The following SEL1L variants were observed in gnomAD, a reference collection of about 807,000 sequenced individuals.
SEL1L encodes the protein protein sel-1 homolog 1.
In SEL1L, 52 loss-of-function variants were observed where a neutral mutation model predicts 109.8. The ratio of observed to expected loss-of-function variants is 0.47; its 90% CI spans 0.38 to 0.60. The LOEUF is 0.60. SEL1L is among the 20% of genes least tolerant of loss of function. The pLI is 0.00. For missense variants in SEL1L, 749 were observed against 962.2 expected (o/e 0.78, Z 2.93); for synonymous variants, 373 against 339.6 (o/e 1.10, Z -1.08).
At position 81,506,100 on chromosome 14, in the gene SEL1L, G is replaced by C. The variant is rs1351587545; in HGVS notation, c.482C>G (p.Ala161Gly). The C allele has an allele frequency of 1.2e-6, 2 of 1,613,584 alleles. No individual in the cohort carries two copies. The highest frequency in any genetic ancestry group is 1.6e-4 in the Middle Eastern group (1 of 6,080). ...LWCATTYDYKADEKWGFCETE... is the reference protein window; with the variant it reads ...LWCATTYDYKGDEKWGFCETE... Reference sequence around the variant, plus strand: ...TTCACAAAAGCCCCACTTTTCATCTGCTTTGTAGTCATAGGTTGTAGCACA... The same window carrying C: ...TTCACAAAAGCCCCACTTTTCATCTCCTTTGTAGTCATAGGTTGTAGCACA... The change falls in exon 4 of 21, where the codon GCA (alanine) becomes GGA (glycine). Residue 161 changes from alanine to glycine, a missense_variant. By Grantham distance (60) the Ala-to-Gly change is moderately conservative. Transcript: ENST00000336735.
At chr14:81,510,500 CTCTCTCTCTCTCTCTATATA>C (rs1286260164) in intron 3 of SEL1L, among the ~76,000 whole-genome samples, 1 of 126,224 alleles carries the variant, frequency 7.9e-6, no homozygotes, top group East Asian at 2.4e-4. Context: ...CTCTCTCTCT[CTCTCTCTCTCTCTCTATATA>C]TATATATATA....
intron 3 of SEL1L, among the ~76,000 whole-genome samples, chr14:81,511,397 C>G (rs1884471397): frequency 3.3e-5 from 5 of 152,302 alleles, no homozygotes; most frequent in Admixed American, 3.3e-4. Context: ...TGTCAAAAAC[C>G]ATCCAGAGTA....
At chr14:81,497,027 G>C (rs1221833340) in intron 10 of SEL1L, among the ~76,000 whole-genome samples, 1 of 152,010 alleles carries the variant, frequency 6.6e-6, no homozygotes, top group Admixed American at 6.6e-5. Context: ...AACCAAAAAA[G>C]GGCAAGAAAG....
rs1903045982 is a variant in SEL1L, at chr14:81,472,735, G to A, written c.*4237C>T. The A allele has an allele frequency of 4.0e-5, 8 of 198,114 alleles. No homozygotes were observed. Among genetic ancestry groups the A allele is most frequent in the Non-Finnish European group, 8.3e-5 (8 of 96,612 alleles). The allele number at this position is 198,114 out of a possible 1,614,324, so 12.3% of individuals were successfully genotyped here. ...TTAGCAAATTCATGTTCTCCCTAGG[G>A]CAATATTGGACTTGTAAAAATCTGA... On this transcript the variant is annotated 3_prime_UTR_variant, in exon 21 of 21. Coordinates refer to ENST00000336735, the MANE Select transcript of SEL1L (RefSeq NM_005065.6).
chr14:81,485,775 A>G, intron 17 of SEL1L, 29 bp from the exon 18 acceptor site: 7 of 1,598,132 alleles, frequency 4.4e-6, no homozygotes, highest in Non-Finnish European at 6.0e-6. Flanking sequence ...AATACAAATC[A>G]GGCATTTAAG....
chr14:81,510,845 A>T (rs1884449210), intron 3 of SEL1L, among the ~76,000 whole-genome samples: 1 of 152,176 alleles, frequency 6.6e-6, no homozygotes, highest in African/African-American at 2.4e-5. Context: ...CAACCTCAAG[A>T]CAACTGTCAT....
At position 81,502,766 on chromosome 14, in the gene SEL1L, C is replaced by G; in HGVS notation, c.732G>C (p.Glu244Asp). 1 of 1,614,146 alleles carries G rather than the reference C, an allele frequency of 6.2e-7. No individual in the cohort carries two copies. The highest frequency in any genetic ancestry group is 2.2e-5 in the East Asian group (1 of 44,876). ...YLPQNIQAAR[E>D]MFEKLTEEGS... The stretch of plus-strand genomic sequence containing the variant: ...CTTCCTCAGTCAGCTTCTCAAACAT[C>G]TCTCTCGCTGCCTGGATATTCTGTG... Residue 244 changes from glutamate to aspartate, a missense_variant, in exon 6 of 21, where the codon GAG (glutamate) becomes GAC (aspartate). Around this residue, in one of 2 missense-constraint regions of SEL1L, gnomAD observed 366 missense variants for 399.8 expected, o/e 0.92. Coordinates refer to ENST00000336735, the MANE Select transcript of SEL1L (RefSeq NM_005065.6).
chr14:81,519,707 T>C (rs1383587730), intron 3 of SEL1L, among the ~76,000 whole-genome samples: 1 of 151,992 alleles, frequency 6.6e-6, no homozygotes, highest in East Asian at 1.9e-4. Flanking sequence ...CTCTTACATA[T>C]AGTAAACACT....
At chr14:81,495,663 C>T (rs1407226544) in intron 10 of SEL1L, among the ~76,000 whole-genome samples, 2 of 151,790 alleles carry the variant, frequency 1.3e-5, no homozygotes, top group African/African-American at 2.4e-5. Context: ...GGGCTAGGCA[C>T]GATGGGCTCA....
At chr14:81,496,180 C>T (rs1037679073) in intron 10 of SEL1L, among the ~76,000 whole-genome samples, 3 of 151,660 alleles carry the variant, frequency 2.0e-5, no homozygotes, top group African/African-American at 4.9e-5. Flanking sequence ...AAAAATTAGC[C>T]GGGCATGGTA....
intron 1 of SEL1L, among the ~76,000 whole-genome samples, chr14:81,528,459 C>A (rs1442473300): frequency 6.6e-6 from 1 of 152,130 alleles, no homozygotes; most frequent in Non-Finnish European, 1.5e-5. Context: ...TGTCTGATTA[C>A]ATTAATTTTC....
At chr14:81,495,288 T>C (rs976103265) in intron 10 of SEL1L, 151 bp from the exon 11 acceptor site, 2 of 689,010 alleles carry the variant, frequency 2.9e-6, no homozygotes, top group Admixed American at 2.9e-5. Flanking sequence ...AAAATGCTAT[T>C]CTACTTTAAT....
chr14:81,491,988 T>C (rs1453234108), intron 12 of SEL1L, among the ~76,000 whole-genome samples: 1 of 151,750 alleles, frequency 6.6e-6, no homozygotes, highest in Non-Finnish European at 1.5e-5. Flanking sequence ...CAGTGAGAGC[T>C]AATTTCAATG....
At chr14:81,512,960 G>A (rs779127583) in intron 3 of SEL1L, among the ~76,000 whole-genome samples, 3 of 152,216 alleles carry the variant, frequency 2.0e-5, no homozygotes, top group South Asian at 2.1e-4. Context: ...GATTTTGGAA[G>A]GGTTCCCACT....
intron 8 of SEL1L, chr14:81,499,120 A>C (rs1883898072): frequency 2.0e-6 from 2 of 1,005,670 alleles, no homozygotes; most frequent in Non-Finnish European, 2.4e-6. Flanking sequence ...TGAAAAACTA[A>C]AGAAAAATTT....
At chr14:81,514,376 T>A (rs912006308) in intron 3 of SEL1L, among the ~76,000 whole-genome samples, 57 of 152,362 alleles carry the variant, frequency 3.7e-4, no homozygotes, top group African/African-American at 1.3e-3. Context: ...CACTTCATTT[T>A]CAGGGCATAA....
chr14:81,507,295 T>C (rs1884278313), intron 3 of SEL1L, among the ~76,000 whole-genome samples: 1 of 152,142 alleles, frequency 6.6e-6, no homozygotes, highest in Admixed American at 6.6e-5. Flanking sequence ...GGATGCAAGG[T>C]GACCAGTTTA....
intron 3 of SEL1L, among the ~76,000 whole-genome samples, chr14:81,509,913 T>C (rs1884393385): frequency 6.6e-6 from 1 of 152,048 alleles, no homozygotes; most frequent in Admixed American, 6.6e-5. Flanking sequence ...TAAAACCAAA[T>C]GAACTCAAAG....
In SEL1L at chr14:81,533,845, T is replaced by TAG; in HGVS notation, c.-103_-102dup. 8.2e-7 allele frequency: 1 copy of TAG among 1,225,560 alleles called. No homozygotes were observed. Among genetic ancestry groups the TAG allele is most frequent in the African/African-American group, 1.5e-5 (1 of 67,322 alleles). The allele number at this position is 1,225,560 out of a possible 1,614,324, so 75.9% of individuals were successfully genotyped here. ...CGCCTCGCCGCTGCTCTTCCTGCTC[T>TAG]AGTCTCCTTCCTCCGCCCCTTCCCA... On this transcript the variant is annotated 5_prime_UTR_variant, in exon 1 of 21. Coordinates refer to ENST00000336735, the MANE Select transcript of SEL1L (RefSeq NM_005065.6).
Sources: gnomAD v4.1 joint callset for allele counts (sites outside exome capture counted in the v4.1 genomes callset) on GRCh38, gnomAD v4.1.1 for gene constraint, gnomAD v4.1.1 regional missense constraint, MANE v1.5 for transcripts, NCBI Gene and HGNC (gene_info 2026-07-23, HGNC 2026-07-21) for gene names.